SPIDR: variants seen among roughly 807,000 people sequenced by gnomAD.
SPIDR encodes the protein scaffold protein involved in DNA repair, also known as DNA repair-scaffolding protein.
Under a neutral mutation model 104.6 loss-of-function variants are expected in SPIDR, and 93 were observed. The ratio of observed to expected loss-of-function variants is 0.89; its 90% CI spans 0.75 to 1.06. The LOEUF (loss-of-function observed/expected upper bound fraction) is 1.06, where lower values mean the gene tolerates loss of function less well. SPIDR is among the 50% of genes least tolerant of loss of function. SPIDR has a pLI of 0.00. For missense variants in SPIDR, 1,154 were observed against 1,111.2 expected (o/e 1.04, Z -0.55); for synonymous variants, 431 against 416.9 (o/e 1.03, Z -0.41).
intron 5 of SPIDR, among the ~76,000 whole-genome samples, chr8:47,322,035 G>T (rs1375312247): frequency 1.3e-5 from 2 of 152,116 alleles, no homozygotes; most frequent in African/African-American, 2.4e-5. Context: ...ATGGGCATGG[G>T]CAAGGACTTC....
intron 8 of SPIDR, among the ~76,000 whole-genome samples, chr8:47,552,743 G>T (rs1320505808): frequency 1.3e-5 from 2 of 152,156 alleles, no homozygotes; most frequent in African/African-American, 2.4e-5. Context: ...TTTAATTGGA[G>T]CATTTAGCCC....
chr8:47,554,066 A>C (rs2090976085), intron 8 of SPIDR, among the ~76,000 whole-genome samples: 1 of 152,106 alleles, frequency 6.6e-6, no homozygotes, highest in Non-Finnish European at 1.5e-5. Context: ...CAGAACAGCA[A>C]ATACTGCAGA....
In SPIDR at chr8:47,659,663, C is replaced by T. The variant is rs1419485961; in HGVS notation, c.1545-14138C>T. 3.5e-5 allele frequency: 34 copies of T among 984,784 alleles called. No homozygotes were observed. In the East Asian group the frequency reaches 8.0e-4, roughly 23 times the overall value. The allele number at this position is 984,784 out of a possible 1,614,324, so 61.0% of individuals were successfully genotyped here. On this transcript the variant is annotated intron_variant, in intron 10 of 19. Transcript: ENST00000297423. ...TCGCTCTGGCCCTTCTCGCCCCCGC[C>T]TTTTCTCAGCGGCTCCCTTGCGCTC... is the stretch of plus-strand genomic sequence containing the variant.
chr8:47,385,220 GTA>G (rs1563806000), intron 5 of SPIDR, among the ~76,000 whole-genome samples: 1 of 152,152 alleles, frequency 6.6e-6, no homozygotes, highest in Non-Finnish European at 1.5e-5. Flanking sequence ...AAGAATATCT[GTA>G]TGTGTTCTTC....
chr8:47,291,974 G>T (rs2039990245), intron 4 of SPIDR, among the ~76,000 whole-genome samples: 1 of 152,096 alleles, frequency 6.6e-6, no homozygotes, highest in African/African-American at 2.4e-5. Flanking sequence ...ATGCCTGTAG[G>T]ATATTCTGCC....
At chr8:47,408,228 TATC>T (rs1351920333) in intron 7 of SPIDR, among the ~76,000 whole-genome samples, 8 of 152,302 alleles carry the variant, frequency 5.3e-5, no homozygotes, top group African/African-American at 1.9e-4. Context: ...GTTCTATTCT[TATC>T]ATTAAGAGCA....
At chr8:47,609,669 T>A (rs1203680482) in intron 10 of SPIDR, among the ~76,000 whole-genome samples, 1 of 152,196 alleles carries the variant, frequency 6.6e-6, no homozygotes, top group Non-Finnish European at 1.5e-5. Context: ...GCTATCTGAT[T>A]GAAAAAGTAA....
intron 5 of SPIDR, among the ~76,000 whole-genome samples, chr8:47,369,350 TTAA>T (rs2057689725): frequency 6.6e-6 from 1 of 152,252 alleles, no homozygotes; most frequent in African/African-American, 2.4e-5. Flanking sequence ...GAATTTATAA[TTAA>T]TGACAGCGTG....
intron 8 of SPIDR, among the ~76,000 whole-genome samples, chr8:47,488,715 G>A (rs1306736992): frequency 6.6e-6 from 1 of 152,128 alleles, no homozygotes; most frequent in African/African-American, 2.4e-5. Flanking sequence ...ATCAATAAAT[G>A]TAATCCAGCA....
chr8:47,630,342 A>G (rs912805889), intron 10 of SPIDR, among the ~76,000 whole-genome samples: 13 of 152,294 alleles, frequency 8.5e-5, no homozygotes, highest in African/African-American at 3.1e-4. Context: ...AGGAGTGGAA[A>G]AGCATCCAGG....
chr8:47,712,789 G>A lies in SPIDR; in HGVS notation c.2105G>A (p.Cys702Tyr). The change falls in exon 15 of 20, where the codon TGT (cysteine) becomes TAT (tyrosine). Residue 702 changes from cysteine (C) to tyrosine (Y), a missense_variant. Transcript: ENST00000297423. ...CTGCTGGTCTATGTGGCCCCCTTGT[G>A]TGTGCTGGGCTCTGAAGTCCTGGAG... ...KTLLVYVAPL[C>Y]VLGSEVLEAL... 6.2e-7 allele frequency: 1 copy of A among 1,614,168 alleles called. No individual in the cohort carries two copies. Among genetic ancestry groups the A allele is most frequent in the Non-Finnish European group, 8.5e-7 (1 of 1,180,040 alleles).
chr8:47,566,220 G>C (rs959884780), intron 8 of SPIDR, among the ~76,000 whole-genome samples: 1 of 151,080 alleles, frequency 6.6e-6, no homozygotes, highest in Non-Finnish European at 1.5e-5. Context: ...TGGTCAGGCT[G>C]GTCTTGAATT....
At chr8:47,319,157 A>G (rs556331998) in intron 5 of SPIDR, among the ~76,000 whole-genome samples, 76 of 152,342 alleles carry the variant, frequency 5.0e-4, no homozygotes, top group Middle Eastern at 3.4e-3. Context: ...GGCAAATTGG[A>G]TAAAGAGTCA....
intron 6 of SPIDR, among the ~76,000 whole-genome samples, chr8:47,404,487 C>T (rs949806956): frequency 1.3e-5 from 2 of 152,162 alleles, no homozygotes; most frequent in Non-Finnish European, 2.9e-5. Context: ...CTATAAAGAA[C>T]TTAAACAAAT....
At chr8:47,378,581 A>G (rs2058956784) in intron 5 of SPIDR, among the ~76,000 whole-genome samples, 1 of 151,614 alleles carries the variant, frequency 6.6e-6, no homozygotes, top group Non-Finnish European at 1.5e-5. Flanking sequence ...CTGTGTGGAT[A>G]GTGGTGGTTC....
rs200037322 is a variant in SPIDR, at chr8:47,376,016, G to GA, written c.526-20358dup. On this transcript the variant is annotated intron_variant, in intron 5 of 19. Coordinates refer to ENST00000297423, the MANE Select transcript of SPIDR (RefSeq NM_001080394.4). The stretch of plus-strand genomic sequence containing the variant: ...CATCATTTTACATGACCTTAGGATA[G>GA]AATTATTTCTAAGAAAAAAATCATT... Among the ~76,000 whole-genome samples the GA allele has an allele frequency of 4.7e-3, 714 of 152,240 alleles. 7 individuals are homozygous for GA. Among genetic ancestry groups the GA allele is most frequent in the African/African-American group, 0.015 (641 of 41,528 alleles).
At chr8:47,724,824 A>G (rs763268215) in intron 16 of SPIDR, among the ~76,000 whole-genome samples, 3 of 152,068 alleles carry the variant, frequency 2.0e-5, no homozygotes, top group African/African-American at 7.2e-5. Context: ...CCTCGTCTCT[A>G]TTCTCCCTGA....
intron 8 of SPIDR, among the ~76,000 whole-genome samples, chr8:47,544,071 C>T (rs1238564015): frequency 2.0e-5 from 3 of 152,002 alleles, no homozygotes; most frequent in African/African-American, 2.4e-5. Context: ...TAGGGTTTCT[C>T]TGTGGTCCCT....
At chr8:47,398,274 C>T (rs1181425338) in intron 6 of SPIDR, among the ~76,000 whole-genome samples, 2 of 152,122 alleles carry the variant, frequency 1.3e-5, no homozygotes, top group African/African-American at 2.4e-5. Context: ...TGCTGAGGGC[C>T]GACCACTTGC....
Sources: allele counts gnomAD v4.1 joint callset (sites outside exome capture counted in the v4.1 genomes callset), GRCh38; gene constraint gnomAD v4.1.1; transcripts MANE v1.5; gene names NCBI Gene and HGNC (gene_info 2026-07-23, HGNC 2026-07-21).